Variants in ATP5PD observed in about 807,000 individuals in gnomAD.
ATP5PD encodes ATP synthase peripheral stalk subunit d, also known as ATP synthase peripheral stalk subunit d, mitochondrial.
A neutral mutation model predicts 22.6 loss-of-function variants in ATP5PD; 13 were observed. That is an observed-to-expected ratio of 0.58 (90% CI 0.37 to 0.91). The LOEUF (loss-of-function observed/expected upper bound fraction) is 0.91, where lower values mean the gene tolerates loss of function less well. Ranked by LOEUF, ATP5PD falls within the 40% of genes least tolerant of loss-of-function variation. The pLI, the probability that ATP5PD is intolerant of heterozygous loss-of-function variation, is 0.00. For synonymous variants in ATP5PD, 51 were observed against 65.0 expected, an observed-to-expected ratio of 0.79 and a Z score of 1.03; for missense variants, 165 against 188.0, an observed-to-expected ratio of 0.88 and a Z score of 0.72.
Position 75,042,275 on chromosome 17 carries a change from A to G in ATP5PD, c.125T>C (p.Leu42Ser). The change falls in exon 3 of 6, where the codon TTG becomes TCG. Residue 42 changes from leucine (L) to serine (S), a missense_variant and splice_region_variant. Physicochemically the swap from Leu to Ser is moderately radical, Grantham distance 145 (BLOSUM62 -2). Coordinates refer to ENST00000301587, the MANE Select transcript of ATP5PD (RefSeq NM_006356.3). ...KSWNETLTSR[L>S]AALPENPPAI... ...TGGTGGATTCTCAGGTAAAGCAGCC[A>G]ACCTGCCCACAAGGAAAGGCAAAAG... is the stretch of plus-strand genomic sequence containing the variant. The G allele has an allele frequency of 6.2e-7, 1 of 1,613,848 alleles. No homozygotes were observed. The highest frequency in any genetic ancestry group is 8.5e-7 in the Non-Finnish European group (1 of 1,179,898).
Position 75,038,986 on chromosome 17 carries a change from T to C in ATP5PD, c.432A>G (p.Lys144=). The C allele has an allele frequency of 6.2e-7, 1 of 1,614,196 alleles. No homozygotes were observed. Among genetic ancestry groups the C allele is most frequent in the Non-Finnish European group, 8.5e-7 (1 of 1,180,020 alleles). ...EDLNEAFPET[K]LDKKKYPYWP... ...AATAGGGATACTTTTTCTTGTCTAATTTGGTTTCTGGGAAAGCTTCATTCA... is the reference window on the plus strand; with the variant it reads ...AATAGGGATACTTTTTCTTGTCTAACTTGGTTTCTGGGAAAGCTTCATTCA... The change falls in exon 6 of 6, where the codon AAA becomes AAG. Residue 144 remains lysine, a synonymous_variant. Transcript: ENST00000301587.
rs749673678 is a variant in ATP5PD, at chr17:75,039,312, C to T, written c.292-41G>A. 15 of 1,574,028 alleles carry T rather than the reference C, an allele frequency of 9.5e-6. No individual in the cohort carries two copies. In the South Asian group the frequency reaches 1.7e-4, roughly 17 times the overall value. ...GAAATTCAGTTCTGAAACCAGGCTG[C>T]ATTCTACCCCAGCAGCTGCTAAGGT... On this transcript the variant is annotated intron_variant, in intron 4 of 5. Transcript: ENST00000301587.
At chr17:75,040,042 C>T in intron 4 of ATP5PD, 50 bp downstream of exon 4, 1 of 1,587,304 alleles carries the variant, frequency 6.3e-7, no homozygotes. Context: ...TAATAGAGAG[C>T]TGTCAAGATC....
chr17:75,039,191 GCTACCCATCATCCTTACCTCTTT>G lies in ATP5PD; in HGVS notation c.349_354+17del, dbSNP rs749338930. 92 of 1,613,890 alleles carry G rather than the reference GCTACCCATCATCCTTACCTCTTT, an allele frequency of 5.7e-5. No individual in the cohort carries two copies. The highest frequency in any genetic ancestry group is 6.1e-5 in the Non-Finnish European group (72 of 1,179,886). On this transcript the variant is annotated splice_donor_variant and splice_donor_5th_base_variant and coding_sequence_variant and intron_variant, in exon 5 of 6. Coordinates refer to ENST00000301587, the MANE Select transcript of ATP5PD (RefSeq NM_006356.3). LOFTEE classifies it high-confidence loss of function. Reference sequence around the variant, plus strand: ...GAGAGAACCCATATTATAGGCAACGGCTACCCATCATCCTTACCTCTTTCTCATATTCTACAATCCTGGCCTTT... The same window carrying G: ...GAGAGAACCCATATTATAGGCAACGGCTCATATTCTACAATCCTGGCCTTT...
rs1042189669 is a variant in ATP5PD at position 75,043,083 on chromosome 17, G to A, written c.-9-424C>T. 6.5e-4 allele frequency among the ~76,000 whole-genome samples: 99 copies of A among 151,634 alleles called. 2 individuals carry two copies. Among genetic ancestry groups the A allele is most frequent in the East Asian group, 2.0e-4 (1 of 5,110 alleles). ...TTAAAAATACAATAATTAGCCAGCC[G>A]TGGTGGCCCGCGCCATAATCCCAGC... On this transcript the variant is annotated intron_variant, in intron 1 of 5. Coordinates refer to ENST00000301587, the MANE Select transcript of ATP5PD (RefSeq NM_006356.3).
intron 2 of ATP5PD, 106 bp from the exon 3 acceptor site, chr17:75,042,383 TTCCTC>T (rs1357170828): frequency 1.7e-5 from 26 of 1,504,096 alleles, no homozygotes; most frequent in African/African-American, 1.3e-4. Context: ...TCACCACACT[TTCCTC>T]TCCTAAGATC....
intron 3 of ATP5PD, 30 bp from the exon 4 acceptor site, chr17:75,040,193 G>A: frequency 6.2e-7 from 1 of 1,611,724 alleles, no homozygotes; most frequent in Non-Finnish European, 8.5e-7. Context: ...GGAACCTTCA[G>A]CGCATTAAAC....
At chr17:75,042,499 T>C in intron 2 of ATP5PD, 30 bp downstream of exon 2, 3 of 1,599,688 alleles carry the variant, frequency 1.9e-6, no homozygotes, top group Non-Finnish European at 2.5e-6. Context: ...CAGTGGCAAG[T>C]ATGGGGTTCC....
intron 3 of ATP5PD, 122 bp downstream of exon 3, chr17:75,042,059 C>CA: frequency 1.2e-6 from 1 of 812,136 alleles, no homozygotes; most frequent in Non-Finnish European, 1.9e-6. Context: ...TTTGGCCATA[C>CA]GCATCCTTCC....
chr17:75,039,073 G>A lies in ATP5PD; in HGVS notation c.355-10C>T. ...TCTTCATCTTCTCCATCTGGAAAGA[G>A]GGGGAATGTGTTTAGTTAATGTAAA... On this transcript the variant is annotated splice_polypyrimidine_tract_variant and intron_variant, in intron 5 of 5. Transcript: ENST00000301587. The A allele has an allele frequency of 6.2e-7, 1 of 1,613,802 alleles. No homozygotes were observed. Among genetic ancestry groups the A allele is most frequent in the Non-Finnish European group, 8.5e-7 (1 of 1,179,898 alleles).
At chr17:75,042,093 G>A in intron 3 of ATP5PD, 88 bp downstream of exon 3, 1 of 1,166,124 alleles carries the variant, frequency 8.6e-7, no homozygotes, top group Middle Eastern at 2.8e-4. Flanking sequence ...GGATCTGGCT[G>A]TCATGCTGTG....
At chr17:75,042,685 A>G (rs1185575171) in intron 1 of ATP5PD, 26 bp from the exon 2 acceptor site, 2 of 1,585,254 alleles carry the variant, frequency 1.3e-6, no homozygotes, top group Non-Finnish European at 1.7e-6. Context: ...AATAAAAACA[A>G]GGCTTTTTTA....
At chr17:75,040,316 G>C (rs536818846) in intron 3 of ATP5PD, 153 bp from the exon 4 acceptor site, 1 of 811,294 alleles carries the variant, frequency 1.2e-6, no homozygotes, top group Admixed American at 2.1e-5. Context: ...AAGCGGAAAC[G>C]AATACGCATC....
chr17:75,038,872 A>G lies in ATP5PD; in HGVS notation c.*60T>C, dbSNP rs1006673011. On this transcript the variant is annotated 3_prime_UTR_variant, in exon 6 of 6. Coordinates refer to ENST00000301587, the MANE Select transcript of ATP5PD (RefSeq NM_006356.3). ...GAAGCACACCCAGAACTGTATAATT[A>G]TTATTTTTAATGTCCAGAATGTGTA... The G allele has an allele frequency of 2.6e-6, 4 of 1,541,664 alleles. No individual in the cohort carries two copies. The Admixed American group carries it at 5.9e-5, about 23-fold the overall frequency.
In ATP5PD at chr17:75,042,516, G is replaced by A; in HGVS notation, c.122+13C>T. 23 of 1,604,304 alleles carry A rather than the reference G, an allele frequency of 1.4e-5. No individual in the cohort carries two copies. Among genetic ancestry groups the A allele is most frequent in the Non-Finnish European group, 2.0e-5 (23 of 1,177,858 alleles). Reference sequence around the variant, plus strand: ...GTGGCAAGTATGGGGTTCCCTCTCAGAAACATACTGACCTGGAGGTGAGGG... The same window carrying A: ...GTGGCAAGTATGGGGTTCCCTCTCAAAAACATACTGACCTGGAGGTGAGGG... On this transcript the variant is annotated intron_variant, in intron 2 of 5. Transcript: ENST00000301587.
intron 3 of ATP5PD, 40 bp downstream of exon 3, chr17:75,042,141 C>G: frequency 6.5e-7 from 1 of 1,543,684 alleles, no homozygotes; most frequent in South Asian, 1.1e-5. Flanking sequence ...TACCCACAGG[C>G]ATGTTACAAG....
chr17:75,039,558 T>A (rs548802615), intron 4 of ATP5PD: 60 of 422,446 alleles, frequency 1.4e-4, no homozygotes, highest in Admixed American at 6.8e-4. Flanking sequence ...GCTCAGCCAC[T>A]GAATGGTCAG....
intron 3 of ATP5PD, 192 bp from the exon 4 acceptor site, chr17:75,040,355 C>A: frequency 1.6e-6 from 1 of 631,926 alleles, no homozygotes. Flanking sequence ...GAATATTAGA[C>A]TGGGAACAGG....
intron 1 of ATP5PD, among the ~76,000 whole-genome samples, chr17:75,043,485 C>A (rs1307874553): frequency 6.6e-6 from 1 of 151,942 alleles, no homozygotes; most frequent in Non-Finnish European, 1.5e-5. Context: ...TGATGGCATG[C>A]ACCTGTAGTC....
Sources: gnomAD v4.1 joint callset for allele counts (sites outside exome capture counted in the v4.1 genomes callset) on GRCh38, gnomAD v4.1.1 for gene constraint, MANE v1.5 for transcripts, NCBI Gene and HGNC (gene_info 2026-07-23, HGNC 2026-07-21) for gene names.